Variants in SLC4A4 observed in about 807,000 individuals in gnomAD.
The protein encoded by SLC4A4 is electrogenic sodium bicarbonate cotransporter 1.
In SLC4A4, 27 loss-of-function variants were observed where a neutral mutation model predicts 111.5. That is an observed-to-expected ratio of 0.24 (90% CI 0.18 to 0.33). The LOEUF is 0.33. SLC4A4 is among the 10% of genes least tolerant of loss of function. The probability of loss-of-function intolerance (pLI) is 1.00; values close to 1 mark genes in which losing one functional copy is unlikely to be tolerated. For missense variants in SLC4A4, 909 were observed against 1,315.5 expected (o/e 0.69, Z 4.78); for synonymous variants, 443 against 463.4 (o/e 0.96, Z 0.57).
At chr4:71,173,256 AGTATAT>A (rs1219147345) in intron 2 of SLC4A4, among the ~76,000 whole-genome samples, 2 of 152,230 alleles carry the variant, frequency 1.3e-5, no homozygotes, top group African/African-American at 4.8e-5. Flanking sequence ...ATATCTCAGA[AGTATAT>A]GTAGGTATTG....
In SLC4A4 at chr4:71,484,871, C is replaced by A. The variant is rs550745256; in HGVS notation, c.1904-2077C>A. Among the ~76,000 whole-genome samples, 19 of 151,762 alleles carry A rather than the reference C, an allele frequency of 1.3e-4. No individual in the cohort carries two copies. The South Asian group carries it at 4.0e-3, about 32-fold the overall frequency. On this transcript the variant is annotated intron_variant, in intron 14 of 25. Coordinates refer to ENST00000264485, the MANE Select transcript of SLC4A4 (RefSeq NM_001098484.3). ...GGTTCTCCTTGTAGAGATCTTTCACCTTCCTGGTTAGCTGTATTCCCTAGG... is the reference window on the plus strand; with the variant it reads ...GGTTCTCCTTGTAGAGATCTTTCACATTCCTGGTTAGCTGTATTCCCTAGG...
intron 2 of SLC4A4, among the ~76,000 whole-genome samples, chr4:71,238,497 T>A (rs548994650): frequency 1.6e-4 from 24 of 152,240 alleles, no homozygotes; most frequent in Non-Finnish European, 2.2e-4. Flanking sequence ...TTTGTGATGA[T>A]TAAACCGTCC....
intron 7 of SLC4A4, among the ~76,000 whole-genome samples, chr4:71,405,797 A>G (rs1282752347): frequency 2.6e-5 from 4 of 152,210 alleles, no homozygotes; most frequent in Non-Finnish European, 4.4e-5. Flanking sequence ...CTCAGTATCT[A>G]GCATTTGCCT....
intron 14 of SLC4A4, among the ~76,000 whole-genome samples, chr4:71,476,670 A>G (rs1388586113): frequency 6.6e-6 from 1 of 151,614 alleles, no homozygotes. Flanking sequence ...CAAAAAGCCT[A>G]ATCATTTCCT....
chr4:71,398,717 A>G (rs1450131989), intron 7 of SLC4A4, among the ~76,000 whole-genome samples: 1 of 152,202 alleles, frequency 6.6e-6, no homozygotes, highest in Non-Finnish European at 1.5e-5. Context: ...TGGTCTTGCT[A>G]CTTGTTCCAA....
chr4:71,074,644 G>A (rs963010949), intron 1 of SLC4A4, among the ~76,000 whole-genome samples: 15 of 151,608 alleles, frequency 9.9e-5, no homozygotes, highest in African/African-American at 3.6e-4. Flanking sequence ...AAGGAGAAGA[G>A]AAAGGAAGGA....
chr4:71,387,609 C>T (rs1718869996), intron 6 of SLC4A4, among the ~76,000 whole-genome samples: 1 of 152,140 alleles, frequency 6.6e-6, no homozygotes, highest in African/African-American at 2.4e-5. Flanking sequence ...ATTCTCCTGC[C>T]TCAGCCTCCC....
chr4:71,327,153 T>C (rs1727565600), intron 3 of SLC4A4, among the ~76,000 whole-genome samples: 1 of 151,944 alleles, frequency 6.6e-6, no homozygotes. Flanking sequence ...GCCTGCAGGG[T>C]GGCCACAGTG....
rs140154774 is a variant in SLC4A4 at position 71,276,253 on chromosome 4, T to C, written c.253+20854T>C. Among the ~76,000 whole-genome samples, 459 of 152,354 alleles carry C rather than the reference T, an allele frequency of 3.0e-3. 4 individuals carry two copies. The highest frequency in any genetic ancestry group is 0.016 in the South Asian group (79 of 4,822). ...CCATTTCCCCAATGGTTATATCTTA[T>C]ATAATTAGAGTGTAATATCAAAACC... On this transcript the variant is annotated intron_variant, in intron 3 of 25. Transcript: ENST00000264485.
intron 6 of SLC4A4, among the ~76,000 whole-genome samples, chr4:71,394,027 G>T (rs1043561934): frequency 6.6e-6 from 1 of 152,078 alleles, no homozygotes; most frequent in Non-Finnish European, 1.5e-5. Flanking sequence ...ATGGATTAAG[G>T]ACTTAAATCT....
chr4:71,175,431 A>T (rs1333341236), intron 2 of SLC4A4, among the ~76,000 whole-genome samples: 1 of 152,226 alleles, frequency 6.6e-6, no homozygotes, highest in African/African-American at 2.4e-5. Flanking sequence ...TTTCCTAGTC[A>T]AAGAAAGGGG....
chr4:71,521,999 C>T (rs1732977104), intron 16 of SLC4A4, among the ~76,000 whole-genome samples: 1 of 151,494 alleles, frequency 6.6e-6, no homozygotes, highest in African/African-American at 2.4e-5. Flanking sequence ...AGCAATCCCT[C>T]AGTATGAACA....
intron 14 of SLC4A4, among the ~76,000 whole-genome samples, chr4:71,476,948 A>G (rs1050854541): frequency 2.3e-4 from 35 of 151,886 alleles, no homozygotes; most frequent in African/African-American, 7.9e-4. Flanking sequence ...CTGTACTTTG[A>G]TGATTACATA....
intron 2 of SLC4A4, among the ~76,000 whole-genome samples, chr4:71,101,274 C>A (rs1742725914): frequency 6.6e-6 from 1 of 151,478 alleles, no homozygotes; most frequent in Non-Finnish European, 1.5e-5. Context: ...AACAAAAAAA[C>A]AAAAAAAATT....
intron 3 of SLC4A4, among the ~76,000 whole-genome samples, chr4:71,312,024 G>A (rs1726234947): frequency 6.6e-6 from 1 of 151,928 alleles, no homozygotes. Context: ...TTGACTGCTA[G>A]CCAGACCAAT....
chr4:71,357,271 C>T (rs1578909139), intron 6 of SLC4A4, 84 bp downstream of exon 6: 3 of 1,376,112 alleles, frequency 2.2e-6, no homozygotes, highest in South Asian at 1.2e-5. Flanking sequence ...TTGTTTTAAC[C>T]CTTCTCCATA....
intron 1 of SLC4A4, among the ~76,000 whole-genome samples, chr4:71,078,559 A>T (rs78617694): frequency 0.036 from 5,404 of 152,152 alleles, 224 homozygotes; most frequent in African/African-American, 0.099. Context: ...GAATGATTTT[A>T]AAAAAATTGA....
At chr4:71,179,034 G>T (rs968589234) in intron 2 of SLC4A4, among the ~76,000 whole-genome samples, 1 of 152,208 alleles carries the variant, frequency 6.6e-6, no homozygotes, top group Admixed American at 6.5e-5. Flanking sequence ...TCCCTGGGAT[G>T]CAAGGCTGGT....
At chr4:71,153,366 A>G (rs1310994383) in intron 2 of SLC4A4, among the ~76,000 whole-genome samples, 1 of 152,152 alleles carries the variant, frequency 6.6e-6, no homozygotes, top group Non-Finnish European at 1.5e-5. Flanking sequence ...ACCCAGGATC[A>G]ATACTTTGCA....
Sources: allele counts gnomAD v4.1 joint callset (sites outside exome capture counted in the v4.1 genomes callset), GRCh38; gene constraint gnomAD v4.1.1; transcripts MANE v1.5; gene names NCBI Gene and HGNC (gene_info 2026-07-23, HGNC 2026-07-21).